The following STAB2 variants were observed in gnomAD, a reference collection of about 807,000 sequenced individuals.
STAB2 encodes the protein stabilin 2.
A neutral mutation model predicts 338.1 loss-of-function variants in STAB2; 288 were observed. The observed-to-expected ratio is 0.85, with a 90% CI of 0.77 to 0.94. The LOEUF (loss-of-function observed/expected upper bound fraction) is 0.94, where lower values mean the gene tolerates loss of function less well. Ranked by LOEUF, STAB2 falls within the 40% of genes least tolerant of loss-of-function variation. The pLI is 0.00. For missense variants in STAB2, 3,141 were observed against 3,210.1 expected, an observed-to-expected ratio of 0.98 and a Z score of 0.52; for synonymous variants, 1,202 against 1,193.3, an observed-to-expected ratio of 1.01 and a Z score of -0.15.
intron 63 of STAB2, among the ~76,000 whole-genome samples, chr12:103,756,528 T>C (rs1884114220): frequency 6.6e-6 from 1 of 152,230 alleles, no homozygotes. Context: ...ATAAGGCCAC[T>C]TCTATATCCA....
intron 55 of STAB2, among the ~76,000 whole-genome samples, chr12:103,742,146 C>A (rs1882634510): frequency 6.6e-6 from 1 of 152,108 alleles, no homozygotes; most frequent in African/African-American, 2.4e-5. Flanking sequence ...ATTACTCAAC[C>A]CAGATATCCT....
At chr12:103,611,134 C>T (rs1326550934) in intron 3 of STAB2, among the ~76,000 whole-genome samples, 15 of 152,180 alleles carry the variant, frequency 9.9e-5, no homozygotes, top group East Asian at 1.9e-4. Context: ...GGAATAAGTG[C>T]GGTGTGGTGC....
chr12:103,687,406 A>T (rs1419328432), intron 27 of STAB2, among the ~76,000 whole-genome samples: 1 of 152,066 alleles, frequency 6.6e-6, no homozygotes, highest in East Asian at 1.9e-4. Context: ...TCAAGGCCGA[A>T]CTTCCCCTAA....
chr12:103,695,935 CCTT>C, intron 33 of STAB2, 91 bp downstream of exon 33: 1 of 1,233,078 alleles, frequency 8.1e-7, no homozygotes, highest in South Asian at 1.3e-5. Flanking sequence ...CCATTTCACT[CCTT>C]CATCCTTGTC....
intron 9 of STAB2, among the ~76,000 whole-genome samples, chr12:103,648,145 A>G (rs914668369): frequency 6.6e-6 from 1 of 152,188 alleles, no homozygotes; most frequent in African/African-American, 2.4e-5. Context: ...TGGTTTCATG[A>G]GAGTATATAT....
In STAB2 at chr12:103,677,449, G is replaced by A. The variant is rs374431891; in HGVS notation, c.2647-4G>A. The A allele has an allele frequency of 2.9e-5, 46 of 1,601,456 alleles. No individual in the cohort carries two copies. Among genetic ancestry groups the A allele is most frequent in the Admixed American group, 1.8e-4 (11 of 59,532 alleles). ...AGGCTTTGCTTTTTCTTTTCCTCCT[G>A]CAGGCAGAATGCATCAAAACTGGCA... is the stretch of plus-strand genomic sequence containing the variant. On this transcript the variant is annotated splice_polypyrimidine_tract_variant and splice_region_variant and intron_variant, in intron 24 of 68. Coordinates refer to ENST00000388887, the MANE Select transcript of STAB2 (RefSeq NM_017564.10).
rs761676502 is a variant in STAB2, at chr12:103,685,044, A to C, written c.2957A>C (p.Tyr986Ser). The change falls in exon 27 of 69, where the codon TAT becomes TCT. Residue 986 changes from tyrosine to serine, a missense_variant. Physicochemically the swap from Tyr to Ser is moderately radical, Grantham distance 144 (BLOSUM62 -2). Coordinates refer to ENST00000388887, the MANE Select transcript of STAB2 (RefSeq NM_017564.10). ...GVWSCVCQEGYEGDGFLCYGN... is the reference protein window; with the variant it reads ...GVWSCVCQEGSEGDGFLCYGN... ...TGGAGCTGTGTTTGTCAAGAGGGCT[A>C]TGAAGGAGATGGCTTTCTGTGCTAT... 1.2e-6 allele frequency: 2 copies of C among 1,614,054 alleles called. No individual in the cohort carries two copies. Among genetic ancestry groups the C allele is most frequent in the Non-Finnish European group, 1.7e-6 (2 of 1,179,942 alleles).
intron 59 of STAB2, among the ~76,000 whole-genome samples, chr12:103,749,771 C>T (rs1460249888): frequency 1.5e-5 from 2 of 129,646 alleles, no homozygotes; most frequent in Admixed American, 9.3e-5. Context: ...ACACAGGAGG[C>T]GGAGCTTGCA....
chr12:103,679,789 A>C (rs1229942232), intron 25 of STAB2, among the ~76,000 whole-genome samples: 1 of 152,228 alleles, frequency 6.6e-6, no homozygotes, highest in East Asian at 1.9e-4. Flanking sequence ...ATACACCCAA[A>C]AGAATCAAAA....
intron 13 of STAB2, 99 bp downstream of exon 13, chr12:103,654,797 C>A: frequency 7.0e-7 from 1 of 1,432,298 alleles, no homozygotes; most frequent in Non-Finnish European, 9.4e-7. Flanking sequence ...GCTTGTGCTT[C>A]GTTTGTGCTA....
Position 103,746,395 on chromosome 12 carries a change from T to C in STAB2, c.6137-202T>C, listed in dbSNP as rs1883036263. On this transcript the variant is annotated intron_variant, in intron 57 of 68. Coordinates refer to ENST00000388887, the MANE Select transcript of STAB2 (RefSeq NM_017564.10). ...AATCTCAATGACATTGCAGAGATCA[T>C]GTCTTACTATAAAAGAGTAATTCTA... 5.5e-6 allele frequency: 3 copies of C among 540,554 alleles called. No individual in the cohort carries two copies. The East Asian group carries it at 9.3e-5, about 17-fold the overall frequency. 33.5% of individuals were successfully genotyped at this position (540,554 alleles called of 1,614,324 possible).
chr12:103,678,806 A>G (rs903894187), intron 25 of STAB2, among the ~76,000 whole-genome samples: 3 of 151,778 alleles, frequency 2.0e-5, no homozygotes, highest in African/African-American at 7.3e-5. Flanking sequence ...TGCTGGGATT[A>G]CAGGTGTAAG....
intron 63 of STAB2, among the ~76,000 whole-genome samples, chr12:103,757,713 A>G (rs1172899241): frequency 6.6e-6 from 1 of 152,250 alleles, no homozygotes; most frequent in Non-Finnish European, 1.5e-5. Flanking sequence ...CGTGCCAGGC[A>G]AGTCTGAGGA....
intron 31 of STAB2, 28 bp downstream of exon 31, chr12:103,692,917 C>T: frequency 6.3e-7 from 1 of 1,581,458 alleles, no homozygotes; most frequent in Non-Finnish European, 8.7e-7. Flanking sequence ...CCTGTGCGTG[C>T]AGCATCTCTT....
rs1011120777 is a variant in STAB2, at chr12:103,749,280, C to A, written c.6438+124C>A. The A allele has an allele frequency of 8.3e-5, 93 of 1,126,228 alleles. No individual in the cohort carries two copies. In the South Asian group the frequency reaches 1.8e-3, roughly 22 times the overall value. The allele number at this position is 1,126,228 out of a possible 1,614,324, so 69.8% of individuals were successfully genotyped here. ...TCCTAAACATTTTTTCTAGCACAGTCTGTTTCTTGTTAAAAGTCATTGGGC... is the reference window on the plus strand; with the variant it reads ...TCCTAAACATTTTTTCTAGCACAGTATGTTTCTTGTTAAAAGTCATTGGGC... On this transcript the variant is annotated intron_variant, in intron 59 of 68. Transcript: ENST00000388887.
intron 59 of STAB2, among the ~76,000 whole-genome samples, chr12:103,750,079 A>G (rs1883490283): frequency 6.6e-6 from 1 of 152,030 alleles, no homozygotes; most frequent in African/African-American, 2.4e-5. Flanking sequence ...GACATCATAG[A>G]GTTGTTGTGG....
intron 5 of STAB2, among the ~76,000 whole-genome samples, chr12:103,631,038 T>C (rs75079979): frequency 0.014 from 2,059 of 152,332 alleles, 46 homozygotes; most frequent in African/African-American, 0.047. Flanking sequence ...GAGTTGACCA[T>C]TCACATTCAT....
chr12:103,674,440 C>T (rs1876139812), intron 23 of STAB2, among the ~76,000 whole-genome samples: 1 of 152,182 alleles, frequency 6.6e-6, no homozygotes, highest in Admixed American at 6.5e-5. Context: ...AGCACCGGGG[C>T]TAGCACATCA....
intron 17 of STAB2, 128 bp downstream of exon 17, chr12:103,660,891 T>C (rs1874552699): frequency 9.7e-7 from 1 of 1,031,026 alleles, no homozygotes; most frequent in African/African-American, 1.6e-5. Flanking sequence ...TTTCATTCAT[T>C]TGCTCACTTC....
Sources: gnomAD v4.1 joint callset for allele counts (sites outside exome capture counted in the v4.1 genomes callset) on GRCh38, gnomAD v4.1.1 for gene constraint, MANE v1.5 for transcripts, NCBI Gene and HGNC (gene_info 2026-07-23, HGNC 2026-07-21) for gene names.